Variants in ROS1 observed in about 807,000 individuals in gnomAD.
ROS1 encodes proto-oncogene tyrosine-protein kinase ROS.
In ROS1, 263 loss-of-function variants were observed where a neutral mutation model predicts 273.5. That is an observed-to-expected ratio of 0.96 (90% CI 0.87 to 1.06). The LOEUF is 1.06. ROS1 is among the 50% of genes least tolerant of loss of function. The pLI is 0.00. For missense variants in ROS1, 2,833 were observed against 2,751.1 expected (o/e 1.03, Z -0.67); for synonymous variants, 1,008 against 954.1 (o/e 1.06, Z -1.04).
chr6:117,425,506 A>T, intron 1 of ROS1, 28 bp downstream of exon 1: 1 of 1,559,062 alleles, frequency 6.4e-7, no homozygotes, highest in Non-Finnish European at 8.6e-7. Context: ...AGTTCCTGCA[A>T]AGACAAATAT....
chr6:117,330,174 C>G (rs1451558675), intron 32 of ROS1, among the ~76,000 whole-genome samples: 1 of 152,226 alleles, frequency 6.6e-6, no homozygotes, highest in African/African-American at 2.4e-5. Context: ...CAAGACTTGT[C>G]GCCACAACCC....
At chr6:117,414,025 G>GAAGAAAGCAAGAAAGC (rs59751042) in intron 4 of ROS1, among the ~76,000 whole-genome samples, 1 of 151,286 alleles carries the variant, frequency 6.6e-6, no homozygotes, top group South Asian at 2.1e-4. Context: ...AGAAAGAGAG[G>GAAGAAAGCAAGAAAGC]AAGAAAGCAA....
At chr6:117,337,120 G>A in intron 32 of ROS1, 52 bp downstream of exon 32, 1 of 1,420,242 alleles carries the variant, frequency 7.0e-7, no homozygotes, top group Non-Finnish European at 9.7e-7. Flanking sequence ...TAAGTGATAA[G>A]AAAAAAACTG....
At chr6:117,370,398 A>G (rs1040779419) in intron 18 of ROS1, among the ~76,000 whole-genome samples, 3 of 152,150 alleles carry the variant, frequency 2.0e-5, no homozygotes, top group African/African-American at 7.2e-5. Flanking sequence ...CTGATTAACA[A>G]TGTGATATTA....
chr6:117,406,496 T>C (rs146203367), intron 5 of ROS1, among the ~76,000 whole-genome samples: 235 of 152,286 alleles, frequency 1.5e-3, no homozygotes, highest in African/African-American at 5.2e-3. Context: ...TACATAGACA[T>C]TGATCCATAG....
intron 23 of ROS1, 44 bp downstream of exon 23, chr6:117,360,298 A>G: frequency 6.8e-7 from 1 of 1,465,594 alleles, no homozygotes; most frequent in Non-Finnish European, 9.5e-7. Context: ...ACACACACAC[A>G]CGCCTCTAAA....
intron 29 of ROS1, among the ~76,000 whole-genome samples, 189 bp downstream of exon 29, chr6:117,342,211 T>C (rs1489001637): frequency 1.3e-5 from 2 of 152,162 alleles, no homozygotes; most frequent in Non-Finnish European, 2.9e-5. Context: ...AATAGAATAT[T>C]ATTAGTTAGC....
At chr6:117,328,655 G>C (rs2128590575) in intron 33 of ROS1, 1 of 570,646 alleles carries the variant, frequency 1.8e-6, no homozygotes, top group South Asian at 1.5e-5. Context: ...TGGTTTCATA[G>C]TCCTGTGAGA....
chr6:117,375,866 A>T (rs1024542372), intron 18 of ROS1, among the ~76,000 whole-genome samples: 5 of 152,162 alleles, frequency 3.3e-5, no homozygotes, highest in Non-Finnish European at 7.4e-5. Flanking sequence ...ATCAACAATC[A>T]TAGTTGGAGA....
chr6:117,292,851 C>T (rs920632839), intron 43 of ROS1, among the ~76,000 whole-genome samples: 15 of 152,150 alleles, frequency 9.9e-5, no homozygotes, highest in African/African-American at 3.1e-4. Context: ...GTGGTAACTC[C>T]GGACTCTTTT....
At chr6:117,362,052 A>G (rs769525024) in intron 22 of ROS1, among the ~76,000 whole-genome samples, 1 of 152,204 alleles carries the variant, frequency 6.6e-6, no homozygotes, top group Non-Finnish European at 1.5e-5. Context: ...TCAATAAAAA[A>G]TGTAAAACAA....
Position 117,345,372 on chromosome 6 carries a change from CCACTT to C in ROS1, c.4304-1115_4304-1111del, listed in dbSNP as rs1178470641. 2.0e-5 allele frequency among the ~76,000 whole-genome samples: 3 copies of C among 152,342 alleles called. No homozygotes were observed. The East Asian group carries it at 5.8e-4, about 29-fold the overall frequency. The stretch of plus-strand genomic sequence containing the variant: ...AGGACATCTCCTCTCTGTCCTCACT[CCACTT>C]CACGTGTTCTTCTACCAGTGCACTA... On this transcript the variant is annotated intron_variant, in intron 27 of 43. Transcript: ENST00000368507.
intron 12 of ROS1, among the ~76,000 whole-genome samples, chr6:117,392,571 T>C (rs1000244856): frequency 3.3e-5 from 5 of 152,198 alleles, no homozygotes; most frequent in Non-Finnish European, 7.4e-5. Context: ...CATTTTGTCT[T>C]CAAAATAACC....
intron 1 of ROS1, among the ~76,000 whole-genome samples, chr6:117,420,284 C>A (rs2128748386): frequency 6.6e-6 from 1 of 151,900 alleles, no homozygotes; most frequent in East Asian, 1.9e-4. Flanking sequence ...TCCAACTACG[C>A]CAATTATCTG....
rs371868627 is a variant in ROS1, at chr6:117,390,369, T to C, written c.1290-523A>G. On this transcript the variant is annotated intron_variant, in intron 12 of 43. Transcript: ENST00000368507. ...CCTGAACTCCTGGGCTCAAGTGATC[T>C]GCACACCTTGGCTTCCCAAAGTGCT... 5.9e-5 allele frequency among the ~76,000 whole-genome samples: 9 copies of C among 152,146 alleles called. 1 individual carries two copies. The South Asian group carries it at 1.9e-3, about 32-fold the overall frequency.
chr6:117,396,288 G>A, intron 8 of ROS1, 24 bp from the exon 9 acceptor site: 1 of 1,529,338 alleles, frequency 6.5e-7, no homozygotes, highest in Non-Finnish European at 9.1e-7. Context: ...AATTTGGAGA[G>A]ACGTGTTTCA....
chr6:117,394,682 A>T lies in ROS1; in HGVS notation c.940T>A (p.Ser314Thr). Residue 314 changes from serine to threonine, a missense_variant, in exon 10 of 44, where the codon TCT becomes ACT. By Grantham distance (58) the Ser-to-Thr change is moderately conservative. Coordinates refer to ENST00000368507, the MANE Select transcript of ROS1 (RefSeq NM_001378902.1). ...LSRKTSLRKR[S>T]LKHLVDEAHC... ...GCTTCATCTACTAAATGTTTTAAAG[A>T]TCTCTTTCTTAGAGAAGTTTTTCTG... 1 of 1,612,186 alleles carries T rather than the reference A, an allele frequency of 6.2e-7. No individual in the cohort carries two copies. Among genetic ancestry groups the T allele is most frequent in the Middle Eastern group, 1.7e-4 (1 of 6,052 alleles).
Position 117,326,335 on chromosome 6 carries a change from T to C in ROS1, c.5428A>G (p.Thr1810Ala). Residue 1810 changes from threonine to alanine, a missense_variant, in exon 34 of 44, where the codon ACA becomes GCA. Transcript: ENST00000368507. ...CCTTTCAGGTTTTTGGACTTCCATG[T>C]GCAAACACTACTGCAGGATCCATTA... Reference protein sequence around the residue: ...TFNGSCSSVCTWKSKNLKGIF... With the variant: ...TFNGSCSSVCAWKSKNLKGIF... 6.2e-7 allele frequency: 1 copy of C among 1,602,902 alleles called. No individual in the cohort carries two copies. Among genetic ancestry groups the C allele is most frequent in the South Asian group, 1.1e-5 (1 of 88,866 alleles).
chr6:117,375,019 A>T (rs1421514147), intron 18 of ROS1, among the ~76,000 whole-genome samples: 3 of 152,256 alleles, frequency 2.0e-5, no homozygotes, highest in Non-Finnish European at 4.4e-5. Context: ...TAGTAGCACA[A>T]TTCATGATTG....
Sources: gnomAD v4.1 joint callset for allele counts (sites outside exome capture counted in the v4.1 genomes callset) on GRCh38, gnomAD v4.1.1 for gene constraint, MANE v1.5 for transcripts, NCBI Gene and HGNC (gene_info 2026-07-23, HGNC 2026-07-21) for gene names.